The following NFATC2 variants were observed in gnomAD, a reference collection of about 807,000 sequenced individuals.
The protein encoded by NFATC2 is nuclear factor of activated T-cells, cytoplasmic 2.
In NFATC2, 22 loss-of-function variants were observed where a neutral mutation model predicts 87.3. The ratio of observed to expected loss-of-function variants is 0.25; its 90% confidence interval spans 0.18 to 0.36. The LOEUF is 0.36. Ranked by LOEUF, NFATC2 falls within the 10% of genes least tolerant of loss-of-function variation. NFATC2 has a pLI of 1.00. For missense variants in NFATC2, 1,149 were observed against 1,259.1 expected (o/e 0.91, Z 1.32); for synonymous variants, 565 against 542.2 (o/e 1.04, Z -0.58).
chr20:51,422,802 G>C (rs1245953156), intron 9 of NFATC2, among the ~76,000 whole-genome samples: 1 of 151,994 alleles, frequency 6.6e-6, no homozygotes, highest in Non-Finnish European at 1.5e-5. Flanking sequence ...CTTTGCCCTT[G>C]ATCCAAAATG....
chr20:51,514,412 C>T (rs2076319319), intron 3 of NFATC2, among the ~76,000 whole-genome samples: 1 of 152,186 alleles, frequency 6.6e-6, no homozygotes, highest in South Asian at 2.1e-4. Context: ...GCAAACTGTG[C>T]TTGATGGTGA....
intron 1 of NFATC2, among the ~76,000 whole-genome samples, chr20:51,556,392 A>G (rs2076978578): frequency 6.6e-6 from 1 of 152,064 alleles, no homozygotes; most frequent in Non-Finnish European, 1.5e-5. Context: ...TCTCCTTTTA[A>G]CCGTAACAAT....
At chr20:51,469,131 G>A (rs1362427132) in intron 5 of NFATC2, among the ~76,000 whole-genome samples, 1 of 151,766 alleles carries the variant, frequency 6.6e-6, no homozygotes, top group African/African-American at 2.4e-5. Flanking sequence ...CAAGCAATCT[G>A]CCCACCTCAG....
intron 1 of NFATC2, among the ~76,000 whole-genome samples, chr20:51,550,405 A>T (rs1430000359): frequency 6.6e-6 from 1 of 152,098 alleles, no homozygotes; most frequent in Admixed American, 6.5e-5. Context: ...AGCCTGGCCA[A>T]TGTGGTGAAA....
At chr20:51,552,931 C>A (rs1271476609) in intron 1 of NFATC2, among the ~76,000 whole-genome samples, 1 of 152,098 alleles carries the variant, frequency 6.6e-6, no homozygotes, top group Non-Finnish European at 1.5e-5. Flanking sequence ...GTACTAAGCC[C>A]CACATGCATT....
chr20:51,556,427 T>C (rs1388282786), intron 1 of NFATC2, among the ~76,000 whole-genome samples: 2 of 152,190 alleles, frequency 1.3e-5, no homozygotes, highest in African/African-American at 4.8e-5. Flanking sequence ...CTTTGGTCCC[T>C]GGTCCTTGAC....
intron 9 of NFATC2, among the ~76,000 whole-genome samples, chr20:51,416,211 G>A (rs776757889): frequency 6.6e-6 from 1 of 151,938 alleles, no homozygotes; most frequent in African/African-American, 2.4e-5. Flanking sequence ...GCAGCGAACC[G>A]AGATCACACC....
chr20:51,542,751 GGGGGGGGGGGGGCGT>G, upstream of NFATC2: 11 of 614,666 alleles, frequency 1.8e-5, no homozygotes, highest in South Asian at 7.1e-5. Flanking sequence ...CGGGGAGGCG[GGGGGGGGGGGGGCGT>G]GGAGGCGGGG....
intron 6 of NFATC2, among the ~76,000 whole-genome samples, chr20:51,448,807 G>T (rs1002688031): frequency 1.3e-5 from 2 of 152,218 alleles, no homozygotes; most frequent in Non-Finnish European, 2.9e-5. Flanking sequence ...CAAAAAAGCT[G>T]AGGTCAGAGC....
chr20:51,537,916 G>C (rs1345922881), intron 1 of NFATC2, among the ~76,000 whole-genome samples: 1 of 152,120 alleles, frequency 6.6e-6, no homozygotes, highest in Admixed American at 6.5e-5. Flanking sequence ...TAATTTCCCA[G>C]AAAGATAGAG....
intron 9 of NFATC2, among the ~76,000 whole-genome samples, chr20:51,407,149 T>G (rs935422760): frequency 1.3e-5 from 2 of 152,206 alleles, no homozygotes; most frequent in Non-Finnish European, 2.9e-5. Context: ...CTACTTGGAC[T>G]GCTGCTCTTG....
In NFATC2 at chr20:51,391,243, A is replaced by C; in HGVS notation, c.*253T>G. 1 of 794,418 alleles carries C rather than the reference A, an allele frequency of 1.3e-6. No homozygotes were observed. The highest frequency in any genetic ancestry group is 1.7e-5 in the African/African-American group (1 of 59,200). 49.2% of individuals were successfully genotyped at this position (794,418 alleles called of 1,614,324 possible). On this transcript the variant is annotated 3_prime_UTR_variant, in exon 11 of 11. Transcript: ENST00000371564. ...CTCTGGTGTTTAGAGGGAGGTGGCGAGCTCCTTAAGTGAGAGTCCGCTTAG... is the reference window on the plus strand; with the variant it reads ...CTCTGGTGTTTAGAGGGAGGTGGCGCGCTCCTTAAGTGAGAGTCCGCTTAG...
At chr20:51,464,947 A>G (rs1278993882) in intron 5 of NFATC2, among the ~76,000 whole-genome samples, 1 of 152,242 alleles carries the variant, frequency 6.6e-6, no homozygotes, top group Non-Finnish European at 1.5e-5. Context: ...TACAGAACGT[A>G]CTTGACACAC....
At chr20:51,436,380 T>C (rs1350776731) in intron 6 of NFATC2, among the ~76,000 whole-genome samples, 1 of 148,918 alleles carries the variant, frequency 6.7e-6, no homozygotes, top group African/African-American at 2.5e-5. Context: ...TGTATCTGAA[T>C]GTCTATCTTT....
intron 3 of NFATC2, among the ~76,000 whole-genome samples, chr20:51,501,379 G>T (rs1318550159): frequency 6.6e-6 from 1 of 152,144 alleles, no homozygotes; most frequent in Non-Finnish European, 1.5e-5. Flanking sequence ...ATGCCACAGG[G>T]AAGCTGACAT....
At chr20:51,500,260 T>C (rs1256526874) in intron 3 of NFATC2, among the ~76,000 whole-genome samples, 1 of 152,130 alleles carries the variant, frequency 6.6e-6, no homozygotes. Context: ...ACTAGATGAT[T>C]TCTAAGTCTC....
Position 51,391,334 on chromosome 20 carries a change from G to T in NFATC2, c.*162C>A. The T allele has an allele frequency of 6.5e-7, 1 of 1,529,286 alleles. No homozygotes were observed. Among genetic ancestry groups the T allele is most frequent in the East Asian group, 2.2e-5 (1 of 44,538 alleles). The allele number at this position is 1,529,286 out of a possible 1,614,324, so 94.7% of individuals were successfully genotyped here. ...ATGAACATGAAAGGAGACAGAAGGTGAGGGGCTGTGGAGGGCTCCGAGGGG... is the reference window on the plus strand; with the variant it reads ...ATGAACATGAAAGGAGACAGAAGGTTAGGGGCTGTGGAGGGCTCCGAGGGG... On this transcript the variant is annotated 3_prime_UTR_variant, in exon 11 of 11. Transcript: ENST00000371564.
At chr20:51,485,750 T>C (rs1173251162) in intron 3 of NFATC2, among the ~76,000 whole-genome samples, 3 of 152,152 alleles carry the variant, frequency 2.0e-5, no homozygotes, top group African/African-American at 7.2e-5. Context: ...CTCCTGACCC[T>C]GCACACCTCA....
At position 51,432,252 on chromosome 20, in the gene NFATC2, G is replaced by T; in HGVS notation, c.2537C>A (p.Pro846Gln). 1.2e-6 allele frequency: 2 copies of T among 1,614,198 alleles called. No individual in the cohort carries two copies. The highest frequency in any genetic ancestry group is 2.2e-5 in the South Asian group (2 of 91,072). ...NFAPGTTRPG[P>Q]PPVSQGQRLS... is the part of the protein sequence containing the mutation. ...CCTCTGACCTTGACTGACCGGGGGC[G>T]GGCCAGGTCTGGTGGTGCCTGGTGC... The change falls in exon 9 of 11, where the codon CCG becomes CAG. Residue 846 changes from proline (P) to glutamine (Q), a missense_variant. Physicochemically the swap from Pro to Gln is moderately conservative, Grantham distance 76. Around this residue, in one of 3 missense-constraint regions of NFATC2, gnomAD observed 581 missense variants for 649.7 expected, o/e 0.89. Coordinates refer to ENST00000371564, the MANE Select transcript of NFATC2 (RefSeq NM_012340.5). The surrounding 1 kb of genome is among the most constrained non-coding windows in gnomAD (Gnocchi z 4.6).
Sources: gnomAD v4.1 joint callset for allele counts (sites outside exome capture counted in the v4.1 genomes callset) on GRCh38, gnomAD v4.1.1 for gene constraint, gnomAD v4.1.1 regional missense constraint, Gnocchi (gnomAD v3.1) non-coding constraint, MANE v1.5 for transcripts, NCBI Gene and HGNC (gene_info 2026-07-23, HGNC 2026-07-21) for gene names.